The following PBX4 variants were observed in gnomAD, a reference collection of about 807,000 sequenced individuals.
PBX4 encodes PBX homeobox 4, also known as pre-B-cell leukemia transcription factor 4.
A neutral mutation model predicts 35.1 loss-of-function variants in PBX4; 26 were observed. The observed-to-expected ratio is 0.74, with a 90% CI of 0.54 to 1.03. PBX4 has a LOEUF of 1.03. Among genes scored for constraint, PBX4 ranks in the 50% least tolerant of loss-of-function variants. PBX4 has a pLI of 0.00. For synonymous variants in PBX4, 199 were observed against 204.2 expected (o/e 0.97, Z 0.22); for missense variants, 448 against 504.3 (o/e 0.89, Z 1.07).
intron 4 of PBX4, 79 bp from the exon 5 acceptor site, chr19:19,569,663 T>A: frequency 6.6e-7 from 1 of 1,507,048 alleles, no homozygotes; most frequent in East Asian, 2.4e-5. Flanking sequence ...TGAGTATGAT[T>A]TTCCAGTAGT....
At chr19:19,567,797 C>G (rs541356344) in intron 5 of PBX4, among the ~76,000 whole-genome samples, 1 of 151,214 alleles carries the variant, frequency 6.6e-6, no homozygotes, top group African/African-American at 2.4e-5. Context: ...CTCTCTACCA[C>G]GTCACCTCAG....
At chr19:19,592,754 G>T (rs1405165296) in intron 2 of PBX4, among the ~76,000 whole-genome samples, 2 of 152,232 alleles carry the variant, frequency 1.3e-5, no homozygotes, top group Non-Finnish European at 2.9e-5. Context: ...CACCGGGACA[G>T]ACCCTGAGAA....
Position 19,563,465 on chromosome 19 carries a change from C to T in PBX4, c.1032+44G>A, listed in dbSNP as rs1307662488. 4.8e-6 allele frequency: 7 copies of T among 1,446,482 alleles called. No individual in the cohort carries two copies. The highest frequency in any genetic ancestry group is 6.5e-6 in the Non-Finnish European group (7 of 1,070,206). 89.6% of individuals were successfully genotyped at this position (1,446,482 alleles called of 1,614,324 possible). On this transcript the variant is annotated intron_variant, in intron 7 of 7. Transcript: ENST00000251203. The surrounding 1 kb of genome is among the most constrained non-coding windows in gnomAD (Gnocchi z 5.1). The stretch of plus-strand genomic sequence containing the variant: ...CTGACAAGACGACCCTTTCTGAGAA[C>T]CTACCACCCACCTGGGCGCTGTGGG...
chr19:19,595,337 C>T (rs1320147514), intron 2 of PBX4, among the ~76,000 whole-genome samples: 2 of 152,158 alleles, frequency 1.3e-5, no homozygotes, highest in East Asian at 3.9e-4. Context: ...TCCTTCTGAG[C>T]GGCTTCCCTC....
chr19:19,615,185 AAAAAAAG>A (rs2061682427), intron 1 of PBX4, among the ~76,000 whole-genome samples: 1 of 150,690 alleles, frequency 6.6e-6, no homozygotes, highest in South Asian at 2.1e-4. Context: ...AAAAAAAAAA[AAAAAAAG>A]AAAGATTAGC....
At chr19:19,599,955 A>ATG (rs1454239981) in intron 1 of PBX4, among the ~76,000 whole-genome samples, 1 of 150,090 alleles carries the variant, frequency 6.7e-6, no homozygotes, top group Non-Finnish European at 1.5e-5. Context: ...CCTAAGTGAC[A>ATG]GAGTGAGACT....
At chr19:19,599,972 C>CA (rs1284339416) in intron 1 of PBX4, among the ~76,000 whole-genome samples, 1,500 of 69,012 alleles carry the variant, frequency 0.022, 17 homozygotes, top group African/African-American at 0.039. Flanking sequence ...GACTCCATCT[C>CA]AAAAAAAAAA....
intron 1 of PBX4, 139 bp from the exon 2 acceptor site, chr19:19,599,504 T>C: frequency 1.4e-6 from 1 of 694,830 alleles, no homozygotes; most frequent in Non-Finnish European, 2.6e-6. Flanking sequence ...CTTATGAAAA[T>C]GCAGTACAAT....
chr19:19,592,218 C>A (rs2061533065), intron 2 of PBX4, among the ~76,000 whole-genome samples: 2 of 152,202 alleles, frequency 1.3e-5, no homozygotes, highest in Admixed American at 6.6e-5. Flanking sequence ...CTTTCGAATT[C>A]TGCAACATAC....
intron 2 of PBX4, among the ~76,000 whole-genome samples, chr19:19,574,009 CG>C (rs1568382002): frequency 6.6e-6 from 1 of 152,122 alleles, no homozygotes; most frequent in Non-Finnish European, 1.5e-5. Flanking sequence ...GGATTACAGG[CG>C]TGAGTCACCA....
At chr19:19,578,677 C>T (rs2061435537) in intron 2 of PBX4, among the ~76,000 whole-genome samples, 1 of 152,190 alleles carries the variant, frequency 6.6e-6, no homozygotes, top group South Asian at 2.1e-4. Context: ...GTAAATCAAA[C>T]AATGACATAA....
intron 2 of PBX4, among the ~76,000 whole-genome samples, chr19:19,586,185 G>A (rs1301901021): frequency 1.3e-5 from 2 of 152,064 alleles, no homozygotes; most frequent in East Asian, 1.9e-4. Flanking sequence ...GGGCTGAGAC[G>A]GGAGGATCAC....
chr19:19,569,453 G>A lies in PBX4; in HGVS notation c.764C>T (p.Ser255Phe). ...ELARKGGLTI[S>F]QVSNWFGNKR... ...CGTGGCAGGAGAGAACGTCACCTGG[G>A]AGATGGTGAGGCCGCCCTTCCTGGC... The change falls in exon 5 of 8, where the codon TCC becomes TTC. Residue 255 changes from serine (S) to phenylalanine (F), a missense_variant. Physicochemically the swap from Ser to Phe is radical, Grantham distance 155. Transcript: ENST00000251203. The A allele has an allele frequency of 6.2e-7, 1 of 1,611,404 alleles. No individual in the cohort carries two copies. The highest frequency in any genetic ancestry group is 1.7e-4 in the Middle Eastern group (1 of 6,002).
intron 2 of PBX4, among the ~76,000 whole-genome samples, chr19:19,573,328 TATACACACACACAC>T (rs2061398327): frequency 4.3e-5 from 4 of 92,138 alleles, no homozygotes; most frequent in South Asian, 8.2e-4. Context: ...AAAAAAAAAA[TATACACACACACAC>T]ACACACACAC....
intron 1 of PBX4, among the ~76,000 whole-genome samples, chr19:19,601,604 G>T (rs1248505495): frequency 6.6e-6 from 1 of 152,072 alleles, no homozygotes; most frequent in Non-Finnish European, 1.5e-5. Flanking sequence ...CGGATTATCT[G>T]GGGGGGCCTA....
intron 1 of PBX4, 109 bp downstream of exon 1, chr19:19,618,402 G>A (rs1406299029): frequency 7.7e-6 from 8 of 1,045,128 alleles, no homozygotes; most frequent in Admixed American, 4.3e-5. Context: ...CCCCCCTCCA[G>A]CCCTCCTCAA....
At chr19:19,603,876 T>G (rs1035771603) in intron 1 of PBX4, among the ~76,000 whole-genome samples, 4 of 149,630 alleles carry the variant, frequency 2.7e-5, no homozygotes, top group African/African-American at 9.9e-5. Flanking sequence ...ATAATTTAAT[T>G]GCTTGAACCC....
intron 2 of PBX4, among the ~76,000 whole-genome samples, chr19:19,589,725 G>A (rs1175828249): frequency 6.6e-6 from 1 of 152,020 alleles, no homozygotes; most frequent in Non-Finnish European, 1.5e-5. Flanking sequence ...AGCCGAGATC[G>A]CACGATTGCA....
chr19:19,570,775 C>T lies in PBX4; in HGVS notation c.252G>A (p.Leu84=), dbSNP rs200752601. The T allele has an allele frequency of 8.1e-6, 13 of 1,614,020 alleles. No homozygotes were observed. ...CGCCCTCAGCCAGCAGCATGTTATC[C>T]AGCCTCAGGAGCTGGGCGTCAGGGG... ...EDPPDAQLLR[L]DNMLLAEGVC... is the part of the protein sequence containing the mutation. Residue 84 remains leucine (L), a synonymous_variant, in exon 3 of 8, where the codon CTG becomes CTA. Coordinates refer to ENST00000251203, the MANE Select transcript of PBX4 (RefSeq NM_025245.3).
Sources: allele counts gnomAD v4.1 joint callset (sites outside exome capture counted in the v4.1 genomes callset), GRCh38; gene constraint gnomAD v4.1.1; non-coding constraint Gnocchi (gnomAD v3.1); transcripts MANE v1.5; gene names NCBI Gene and HGNC (gene_info 2026-07-23, HGNC 2026-07-21).